SPIDR: variants seen among roughly 807,000 people sequenced by gnomAD.
The protein encoded by SPIDR is scaffold protein involved in DNA repair, also known as DNA repair-scaffolding protein.
In SPIDR, 93 loss-of-function variants were observed where a neutral mutation model predicts 104.6. The ratio of observed to expected loss-of-function variants is 0.89; its 90% confidence interval spans 0.75 to 1.06. SPIDR has a LOEUF of 1.06. SPIDR is among the 50% of genes least tolerant of loss of function. The pLI, the probability that SPIDR is intolerant of heterozygous loss-of-function variation, is 0.00. For synonymous variants in SPIDR, 431 were observed against 416.9 expected, an observed-to-expected ratio of 1.03 and a Z score of -0.41; for missense variants, 1,154 against 1,111.2, an observed-to-expected ratio of 1.04 and a Z score of -0.55.
At position 47,657,285 on chromosome 8, in the gene SPIDR, GA is replaced by G. The variant is rs532604030; in HGVS notation, c.1545-16506del. On this transcript the variant is annotated intron_variant, in intron 10 of 19. Transcript: ENST00000297423. ...TTACTTACCAGGGAATTGTGCTGAGGAAAAAAAAAATCCAATCCCAAAAATT... is the reference window on the plus strand; with the variant it reads ...TTACTTACCAGGGAATTGTGCTGAGGAAAAAAAAATCCAATCCCAAAAATT... 3.7e-3 allele frequency among the ~76,000 whole-genome samples: 548 copies of G among 149,470 alleles called. 1 individual carries two copies. The highest frequency in any genetic ancestry group is 6.1e-3 in the Non-Finnish European group (411 of 67,232).
chr8:47,270,784 T>C (rs2035149617), intron 1 of SPIDR, among the ~76,000 whole-genome samples: 1 of 152,184 alleles, frequency 6.6e-6, no homozygotes, highest in Non-Finnish European at 1.5e-5. Flanking sequence ...TTTAAAGTTA[T>C]CTTCTAATTT....
At chr8:47,631,361 A>G (rs1024582929) in intron 10 of SPIDR, among the ~76,000 whole-genome samples, 4 of 152,214 alleles carry the variant, frequency 2.6e-5, no homozygotes, top group Non-Finnish European at 5.9e-5. Flanking sequence ...AATCTGTCTT[A>G]GGGTCAATTT....
At chr8:47,318,465 T>C (rs2045866723) in intron 5 of SPIDR, among the ~76,000 whole-genome samples, 2 of 149,584 alleles carry the variant, frequency 1.3e-5, no homozygotes, top group Admixed American at 6.7e-5. Context: ...AATCTACGTC[T>C]CATTGGTGTA....
At chr8:47,511,837 C>T (rs1489647033) in intron 8 of SPIDR, 11 of 879,222 alleles carry the variant, frequency 1.3e-5, no homozygotes, top group Non-Finnish European at 2.2e-5. Context: ...AATCTGCTGT[C>T]CACTTCTCTC....
intron 5 of SPIDR, among the ~76,000 whole-genome samples, chr8:47,314,205 A>G (rs959310871): frequency 1.3e-5 from 2 of 152,206 alleles, no homozygotes; most frequent in African/African-American, 2.4e-5. Flanking sequence ...GTACACTGCA[A>G]AGTTAAAGAT....
intron 5 of SPIDR, chr8:47,360,963 T>C: frequency 4.1e-6 from 4 of 985,136 alleles, no homozygotes; most frequent in Non-Finnish European, 4.8e-6. Context: ...AGCATTCACA[T>C]ATTATTTCAC....
chr8:47,725,038 C>A (rs1171371839), intron 16 of SPIDR, among the ~76,000 whole-genome samples: 1 of 152,160 alleles, frequency 6.6e-6, no homozygotes, highest in Non-Finnish European at 1.5e-5. Context: ...CCTATCTAAA[C>A]CCAGGCTCCA....
chr8:47,550,829 G>A (rs551446254), intron 8 of SPIDR, among the ~76,000 whole-genome samples: 1 of 152,214 alleles, frequency 6.6e-6, no homozygotes, highest in South Asian at 2.1e-4. Flanking sequence ...GTGAAGGAGG[G>A]CATCCCTGTC....
intron 8 of SPIDR, among the ~76,000 whole-genome samples, chr8:47,541,419 G>T (rs2088109661): frequency 6.6e-6 from 1 of 152,110 alleles, no homozygotes; most frequent in African/African-American, 2.4e-5. Context: ...AAATACTTTT[G>T]AAACAGTTTA....
chr8:47,478,138 A>C (rs2076489051), intron 8 of SPIDR, among the ~76,000 whole-genome samples: 1 of 152,218 alleles, frequency 6.6e-6, no homozygotes, highest in African/African-American at 2.4e-5. Context: ...GTACCAGAGG[A>C]CACGCATCAG....
At chr8:47,576,342 G>C (rs1288050882) in intron 8 of SPIDR, among the ~76,000 whole-genome samples, 1 of 152,144 alleles carries the variant, frequency 6.6e-6, no homozygotes, top group Non-Finnish European at 1.5e-5. Context: ...GTAGAGACGG[G>C]GTTTCCCCAT....
intron 8 of SPIDR, among the ~76,000 whole-genome samples, chr8:47,466,098 A>T (rs2074729055): frequency 6.6e-6 from 1 of 152,174 alleles, no homozygotes; most frequent in Non-Finnish European, 1.5e-5. Flanking sequence ...CCCCACTGAC[A>T]ATATTAAACA....
intron 5 of SPIDR, among the ~76,000 whole-genome samples, chr8:47,321,130 A>G (rs1409683792): frequency 4.6e-5 from 7 of 152,196 alleles, no homozygotes; most frequent in East Asian, 1.9e-4. Context: ...AGGGTATTCA[A>G]TTAGGAAAAG....
intron 8 of SPIDR, among the ~76,000 whole-genome samples, chr8:47,572,971 T>A (rs2058701407): frequency 6.6e-6 from 1 of 152,182 alleles, no homozygotes; most frequent in Non-Finnish European, 1.5e-5. Flanking sequence ...ACATCGTTGA[T>A]GAAAACAAAT....
intron 5 of SPIDR, among the ~76,000 whole-genome samples, chr8:47,384,888 C>T (rs2059711245): frequency 6.6e-6 from 1 of 152,056 alleles, no homozygotes; most frequent in Non-Finnish European, 1.5e-5. Flanking sequence ...AACAAACATC[C>T]CTAGTTACTT....
At chr8:47,551,391 ATCT>A (rs1458242072) in intron 8 of SPIDR, among the ~76,000 whole-genome samples, 8 of 152,152 alleles carry the variant, frequency 5.3e-5, no homozygotes, top group Admixed American at 5.2e-4. Context: ...CTGTGAATCC[ATCT>A]GGTCCTGAAC....
intron 5 of SPIDR, among the ~76,000 whole-genome samples, chr8:47,305,632 G>A (rs1286621481): frequency 6.6e-6 from 1 of 152,080 alleles, no homozygotes; most frequent in East Asian, 1.9e-4. Context: ...TAAATTTAAT[G>A]TGCATATGTA....
At chr8:47,454,702 A>C (rs1585988299) in intron 8 of SPIDR, among the ~76,000 whole-genome samples, 2 of 152,136 alleles carry the variant, frequency 1.3e-5, no homozygotes, top group Non-Finnish European at 2.9e-5. Context: ...CAATATCTTT[A>C]AGAATAAAGG....
At chr8:47,635,326 A>C (rs2067729616) in intron 10 of SPIDR, among the ~76,000 whole-genome samples, 1 of 152,204 alleles carries the variant, frequency 6.6e-6, no homozygotes. Flanking sequence ...CCTGGGTGAC[A>C]GAGTGACTGT....
Sources: allele counts gnomAD v4.1 joint callset (sites outside exome capture counted in the v4.1 genomes callset), GRCh38; gene constraint gnomAD v4.1.1; transcripts MANE v1.5; gene names NCBI Gene and HGNC (gene_info 2026-07-23, HGNC 2026-07-21).